GPC5: variants seen among roughly 807,000 people sequenced by gnomAD.
The protein encoded by GPC5 is glypican-5.
GPC5 carries 47 observed loss-of-function variants against 53.9 expected under a neutral mutation model. That is an observed-to-expected ratio of 0.87 (90% confidence interval 0.69 to 1.11). GPC5 has a LOEUF of 1.11. Ranked by LOEUF, GPC5 falls within the 50% of genes most tolerant of loss-of-function variation. GPC5 has a pLI of 0.00. For missense variants in GPC5, 748 were observed against 713.1 expected, an observed-to-expected ratio of 1.05 and a Z score of -0.56; for synonymous variants, 286 against 263.3, an observed-to-expected ratio of 1.09 and a Z score of -0.84.
intron 7 of GPC5, among the ~76,000 whole-genome samples, chr13:92,261,243 T>C (rs2042764969): frequency 6.6e-6 from 1 of 152,200 alleles, no homozygotes; most frequent in Admixed American, 6.5e-5. Flanking sequence ...TCTTTTTCAG[T>C]CTTTGTCAAT....
In GPC5 at chr13:92,559,060, G is replaced by C. The variant is rs76267472; in HGVS notation, c.1562-307222G>C. 1.9e-3 allele frequency among the ~76,000 whole-genome samples: 293 copies of C among 151,986 alleles called. 1 individual carries two copies. The highest frequency in any genetic ancestry group is 6.9e-3 in the African/African-American group (288 of 41,514). ...ACTAGGACCTCCTCTTTCAAATCCT[G>C]CTCAGCCAGCAAGAGACCAATGCCC... On this transcript the variant is annotated intron_variant, in intron 7 of 7. Coordinates refer to ENST00000377067, the MANE Select transcript of GPC5 (RefSeq NM_004466.6).
At chr13:92,732,575 G>C (rs888042484) in intron 7 of GPC5, among the ~76,000 whole-genome samples, 8 of 151,466 alleles carry the variant, frequency 5.3e-5, no homozygotes. Flanking sequence ...TGTTTTACAT[G>C]TCCATTTATA....
At chr13:92,611,490 T>C (rs1480466656) in intron 7 of GPC5, among the ~76,000 whole-genome samples, 3 of 152,180 alleles carry the variant, frequency 2.0e-5, no homozygotes, top group Non-Finnish European at 4.4e-5. Context: ...AGTAACATAA[T>C]GTATTCAAAG....
At chr13:92,253,528 T>C (rs1334853587) in intron 7 of GPC5, among the ~76,000 whole-genome samples, 1 of 152,050 alleles carries the variant, frequency 6.6e-6, no homozygotes, top group African/African-American at 2.4e-5. Flanking sequence ...CTGTGTGTAG[T>C]GGAGATCAAA....
intron 7 of GPC5, among the ~76,000 whole-genome samples, chr13:92,165,428 TA>T (rs1280427215): frequency 1.3e-5 from 2 of 152,184 alleles, no homozygotes; most frequent in Non-Finnish European, 2.9e-5. Context: ...AAAAAAGGTT[TA>T]ATTGATTCAC....
intron 7 of GPC5, among the ~76,000 whole-genome samples, chr13:92,749,611 T>C (rs1889329405): frequency 6.6e-6 from 1 of 152,164 alleles, no homozygotes; most frequent in African/African-American, 2.4e-5. Context: ...AAAGTATATA[T>C]GAGTACACAT....
At chr13:91,978,320 A>G (rs2040325893) in intron 6 of GPC5, among the ~76,000 whole-genome samples, 1 of 152,172 alleles carries the variant, frequency 6.6e-6, no homozygotes, top group Non-Finnish European at 1.5e-5. Flanking sequence ...CTGTTCATTT[A>G]TTTACTCATT....
intron 7 of GPC5, among the ~76,000 whole-genome samples, chr13:92,496,856 G>C (rs1260372800): frequency 6.6e-6 from 1 of 152,114 alleles, no homozygotes; most frequent in East Asian, 1.9e-4. Flanking sequence ...AATCCATGCA[G>C]GTCTCCCACA....
At chr13:92,215,715 C>T (rs1045234387) in intron 7 of GPC5, among the ~76,000 whole-genome samples, 1 of 152,136 alleles carries the variant, frequency 6.6e-6, no homozygotes, top group African/African-American at 2.4e-5. Context: ...CATTCTTGTC[C>T]TGGGGCTCTA....
chr13:91,816,993 T>G lies in GPC5; in HGVS notation c.1280+60573T>G, dbSNP rs554415597. On this transcript the variant is annotated intron_variant, in intron 5 of 7. Coordinates refer to ENST00000377067, the MANE Select transcript of GPC5 (RefSeq NM_004466.6). ...AAGAACACGTATTTCTCTTTTTCCATCTCTCCAGTATAAAAAATGTTTGTT... is the reference window on the plus strand; with the variant it reads ...AAGAACACGTATTTCTCTTTTTCCAGCTCTCCAGTATAAAAAATGTTTGTT... Among the ~76,000 whole-genome samples, 96 of 152,344 alleles carry G rather than the reference T, an allele frequency of 6.3e-4. 1 individual carries two copies. The highest frequency in any genetic ancestry group is 5.0e-4 in the Non-Finnish European group (34 of 68,030).
chr13:92,345,909 G>T (rs2043407624), intron 7 of GPC5, among the ~76,000 whole-genome samples: 1 of 152,160 alleles, frequency 6.6e-6, no homozygotes, highest in Non-Finnish European at 1.5e-5. Flanking sequence ...TTGTGTTCTT[G>T]ACAGCTCAAT....
intron 7 of GPC5, among the ~76,000 whole-genome samples, chr13:92,352,247 G>A (rs1241661001): frequency 6.6e-6 from 1 of 151,810 alleles, no homozygotes; most frequent in Non-Finnish European, 1.5e-5. Flanking sequence ...CTCATATATT[G>A]ACACAAAAAA....
chr13:91,533,762 C>T (rs554229789), intron 2 of GPC5, among the ~76,000 whole-genome samples: 137 of 152,192 alleles, frequency 9.0e-4, no homozygotes, highest in African/African-American at 3.2e-3. Context: ...TCTCAGTCTA[C>T]TAGATATTCT....
At chr13:92,537,573 A>G (rs1448545001) in intron 7 of GPC5, among the ~76,000 whole-genome samples, 1 of 152,124 alleles carries the variant, frequency 6.6e-6, no homozygotes, top group Admixed American at 6.6e-5. Flanking sequence ...GTTTATCATC[A>G]TCTCCCTGAT....
chr13:92,659,482 A>G (rs1333718788), intron 7 of GPC5, among the ~76,000 whole-genome samples: 1 of 148,136 alleles, frequency 6.8e-6, no homozygotes, highest in East Asian at 2.0e-4. Context: ...GTGACTCCCT[A>G]TCTCTAGAAA....
At chr13:91,503,885 GAT>G (rs1884799781) in intron 2 of GPC5, among the ~76,000 whole-genome samples, 1 of 150,620 alleles carries the variant, frequency 6.6e-6, no homozygotes, top group Non-Finnish European at 1.5e-5. Flanking sequence ...CCAAGAATAT[GAT>G]AGAGAATTCA....
intron 2 of GPC5, among the ~76,000 whole-genome samples, chr13:91,659,633 C>G (rs1348070767): frequency 6.6e-6 from 1 of 152,168 alleles, no homozygotes; most frequent in Non-Finnish European, 1.5e-5. Context: ...TTCAAGGAAT[C>G]TAAGTAGAAA....
At chr13:92,389,468 T>C (rs960392726) in intron 7 of GPC5, among the ~76,000 whole-genome samples, 5 of 152,110 alleles carry the variant, frequency 3.3e-5, no homozygotes, top group Non-Finnish European at 5.9e-5. Flanking sequence ...TCATGTATCA[T>C]GGAATCAAGG....
intron 7 of GPC5, among the ~76,000 whole-genome samples, chr13:92,505,511 G>A (rs1880335386): frequency 6.6e-6 from 1 of 151,972 alleles, no homozygotes; most frequent in Non-Finnish European, 1.5e-5. Flanking sequence ...ACATTGCATT[G>A]GGAAATGAAA....
Sources: allele counts gnomAD v4.1 joint callset (sites outside exome capture counted in the v4.1 genomes callset), GRCh38; gene constraint gnomAD v4.1.1; transcripts MANE v1.5; gene names NCBI Gene and HGNC (gene_info 2026-07-23, HGNC 2026-07-21).